TESMIN: variants seen among roughly 807,000 people sequenced by gnomAD.
TESMIN encodes CXC domain containing 2.
In TESMIN, 34 loss-of-function variants were observed where a neutral mutation model predicts 47.4. The observed-to-expected ratio is 0.72, with a 90% confidence interval of 0.55 to 0.96. The LOEUF (loss-of-function observed/expected upper bound fraction) is 0.96, where lower values mean the gene tolerates loss of function less well. Ranked by LOEUF, TESMIN falls within the 40% of genes least tolerant of loss-of-function variation. TESMIN has a pLI of 0.00. For synonymous variants in TESMIN, 278 were observed against 258.9 expected (o/e 1.07, Z -0.71); for missense variants, 610 against 637.2 (o/e 0.96, Z 0.46).
intron 4 of TESMIN, among the ~76,000 whole-genome samples, chr11:68,742,979 G>A (rs1946475717): frequency 6.6e-6 from 1 of 151,926 alleles, no homozygotes; most frequent in South Asian, 2.1e-4. Flanking sequence ...CTAGGCTCAA[G>A]TGATCCTCCT....
intron 6 of TESMIN, among the ~76,000 whole-genome samples, chr11:68,728,671 G>A (rs1946292954): frequency 6.6e-6 from 1 of 152,224 alleles, no homozygotes; most frequent in Non-Finnish European, 1.5e-5. Context: ...CGCCTCAAAG[G>A]ACAGGCTGGC....
chr11:68,722,460 A>G (rs943823979), intron 6 of TESMIN, among the ~76,000 whole-genome samples: 14 of 152,200 alleles, frequency 9.2e-5, no homozygotes, highest in Non-Finnish European at 2.1e-4. Context: ...CAAGGCACAG[A>G]GCAGAATGTA....
chr11:68,736,642 T>C, intron 6 of TESMIN: 3 of 984,308 alleles, frequency 3.0e-6, no homozygotes, highest in Non-Finnish European at 2.4e-6. Flanking sequence ...CAAATACACA[T>C]CTCATGTTTT....
In TESMIN at chr11:68,750,540, A is replaced by G. The variant is rs1415709228; in HGVS notation, c.121T>C (p.Tyr41His). 5.6e-6 allele frequency: 9 copies of G among 1,606,110 alleles called. No individual in the cohort carries two copies. The highest frequency in any genetic ancestry group is 7.6e-6 in the Non-Finnish European group (9 of 1,177,134). ...AAGACGTGGAACTCGTCCTCCTCGT[A>G]CTTCACGGGGGCCTTCAGGCCGATG... ...ENIGLKAPVKYEEDEFHVFKE... is the reference protein window; with the variant it reads ...ENIGLKAPVKHEEDEFHVFKE... Residue 41 changes from tyrosine (Y) to histidine (H), a missense_variant, in exon 2 of 10, where the codon TAC becomes CAC. Tyr to His is a moderately conservative substitution (Grantham distance 83). Coordinates refer to ENST00000255087, the MANE Select transcript of TESMIN (RefSeq NM_004923.3).
intron 6 of TESMIN, among the ~76,000 whole-genome samples, chr11:68,727,270 A>G (rs1946275786): frequency 6.6e-6 from 1 of 152,116 alleles, no homozygotes; most frequent in Non-Finnish European, 1.5e-5. Context: ...GCGAAAACCC[A>G]TCCTACTAAA....
At chr11:68,736,551 A>G in intron 6 of TESMIN, 1 of 985,460 alleles carries the variant, frequency 1.0e-6, no homozygotes, top group Non-Finnish European at 1.2e-6. Context: ...TATCATCAGT[A>G]TTGCAGATGT....
intron 6 of TESMIN, among the ~76,000 whole-genome samples, chr11:68,735,392 G>A (rs2153992084): frequency 6.6e-6 from 1 of 152,306 alleles, no homozygotes; most frequent in South Asian, 2.1e-4. Flanking sequence ...GCAGTCCAGT[G>A]GGGACCCACT....
downstream of TESMIN, among the ~76,000 whole-genome samples, chr11:68,704,849 C>G (rs1476752419): frequency 6.6e-6 from 1 of 152,166 alleles, no homozygotes; most frequent in Non-Finnish European, 1.5e-5. Context: ...GAAAAACAAA[C>G]CAGCTACCAT....
At chr11:68,725,748 C>T (rs1311056256) in intron 6 of TESMIN, among the ~76,000 whole-genome samples, 1 of 152,174 alleles carries the variant, frequency 6.6e-6, no homozygotes, top group Non-Finnish European at 1.5e-5. Flanking sequence ...GCTGGGACTA[C>T]AGGTGTGAGC....
At chr11:68,731,666 A>G (rs1946329088) in intron 6 of TESMIN, among the ~76,000 whole-genome samples, 1 of 152,210 alleles carries the variant, frequency 6.6e-6, no homozygotes, top group East Asian at 1.9e-4. Flanking sequence ...GTGTGAGTGA[A>G]GCAAGCAACG....
At chr11:68,738,292 C>G (rs929207427) in intron 6 of TESMIN, 18 of 1,001,998 alleles carry the variant, frequency 1.8e-5, no homozygotes, top group Non-Finnish European at 2.1e-5. Context: ...GCGGAGGCAG[C>G]TGGAGGGCAC....
chr11:68,712,744 T>C (rs1946088024), intron 8 of TESMIN, among the ~76,000 whole-genome samples: 1 of 152,226 alleles, frequency 6.6e-6, no homozygotes, highest in African/African-American at 2.4e-5. Context: ...AGGCTGGCTG[T>C]CCATTCTGGT....
At chr11:68,740,388 G>T (rs149147834) in intron 5 of TESMIN, among the ~76,000 whole-genome samples, 2 of 152,148 alleles carry the variant, frequency 1.3e-5, no homozygotes, top group Non-Finnish European at 2.9e-5. Context: ...CTGGATAAGG[G>T]GCCAAAATGG....
At position 68,750,194 on chromosome 11, in the gene TESMIN, A is replaced by G; in HGVS notation, c.467T>C (p.Ile156Thr). ...CATTCCCCAGGCGGTTCTTACTGGG[A>G]TCATGCGGACGCCCGGGTGGGAGGC... ...EGASHPGVRMIPVEIKEAGGT... is the reference protein window; with the variant it reads ...EGASHPGVRMTPVEIKEAGGT... Residue 156 changes from isoleucine (I) to threonine (T), a missense_variant, in exon 2 of 10, where the codon ATC becomes ACC. Ile to Thr is a moderately conservative substitution (Grantham distance 89). Coordinates refer to ENST00000255087, the MANE Select transcript of TESMIN (RefSeq NM_004923.3). 1 of 1,483,802 alleles carries G rather than the reference A, an allele frequency of 6.7e-7. No individual in the cohort carries two copies. Among genetic ancestry groups the G allele is most frequent in the Non-Finnish European group, 8.9e-7 (1 of 1,128,780 alleles). 91.9% of individuals were successfully genotyped at this position (1,483,802 alleles called of 1,614,324 possible). A position where few individuals can be genotyped will look rare whatever the true frequency, so the allele number is the denominator to read the frequency against.
chr11:68,705,112 T>C (rs1041055865), downstream of TESMIN, among the ~76,000 whole-genome samples: 10 of 151,944 alleles, frequency 6.6e-5, no homozygotes, highest in African/African-American at 2.4e-4. Flanking sequence ...GGGGAGAGAG[T>C]GCAGCACGGA....
downstream of TESMIN, among the ~76,000 whole-genome samples, chr11:68,705,947 C>T (rs538571022): frequency 1.3e-5 from 2 of 148,694 alleles, no homozygotes; most frequent in Admixed American, 6.8e-5. Context: ...CACTTGAACC[C>T]AGAAGGCGGA....
intron 4 of TESMIN, among the ~76,000 whole-genome samples, chr11:68,743,298 G>A (rs1265692228): frequency 1.4e-5 from 2 of 145,934 alleles, no homozygotes; most frequent in African/African-American, 5.1e-5. Flanking sequence ...GAGTGCAGTA[G>A]TGCGATGTTG....
At chr11:68,745,937 T>G (rs1164017558) in intron 3 of TESMIN, among the ~76,000 whole-genome samples, 1 of 152,190 alleles carries the variant, frequency 6.6e-6, no homozygotes, top group African/African-American at 2.4e-5. Flanking sequence ...AGCTTCCAAT[T>G]CTGCTGGCAG....
chr11:68,728,436 G>A (rs939752776), intron 6 of TESMIN, among the ~76,000 whole-genome samples: 18 of 152,206 alleles, frequency 1.2e-4, no homozygotes, highest in African/African-American at 4.3e-4. Flanking sequence ...GGTTCATGAG[G>A]TTGAAGGAAA....
Sources: allele counts gnomAD v4.1 joint callset (sites outside exome capture counted in the v4.1 genomes callset), GRCh38; gene constraint gnomAD v4.1.1; transcripts MANE v1.5; gene names NCBI Gene and HGNC (gene_info 2026-07-23, HGNC 2026-07-21).